The following NEK11 variants were observed in gnomAD, a reference collection of about 807,000 sequenced individuals.
The protein encoded by NEK11 is NIMA related kinase 11, also known as serine/threonine-protein kinase Nek11.
NEK11 carries 72 observed loss-of-function variants against 80.7 expected under a neutral mutation model. That is an observed-to-expected ratio of 0.89 (90% CI 0.74 to 1.08). NEK11 has a LOEUF of 1.08. Ranked by LOEUF, NEK11 falls within the 50% of genes least tolerant of loss-of-function variation. The pLI, the probability that NEK11 is intolerant of heterozygous loss-of-function variation, is 0.00. For synonymous variants in NEK11, 251 were observed against 260.7 expected (o/e 0.96, Z 0.36); for missense variants, 764 against 763.6 (o/e 1.00, Z -0.01).
intron 3 of NEK11, among the ~76,000 whole-genome samples, chr3:131,057,773 A>G (rs2069879204): frequency 6.6e-6 from 1 of 151,084 alleles, no homozygotes; most frequent in African/African-American, 2.4e-5. Flanking sequence ...AGTTCATTGT[A>G]GATTCTGGAT....
At chr3:131,252,025 A>G (rs2095713696) in intron 16 of NEK11, among the ~76,000 whole-genome samples, 1 of 152,120 alleles carries the variant, frequency 6.6e-6, no homozygotes, top group Non-Finnish European at 1.5e-5. Flanking sequence ...TAGTCTTATA[A>G]GGGTCTAACA....
chr3:131,289,121 G>A (rs762836204), intron 17 of NEK11, among the ~76,000 whole-genome samples: 3 of 152,214 alleles, frequency 2.0e-5, no homozygotes, highest in Admixed American at 2.0e-4. Flanking sequence ...AGATCAAGGT[G>A]CCAGCAGGTT....
intron 7 of NEK11, among the ~76,000 whole-genome samples, chr3:131,136,515 A>G (rs939331776): frequency 1.3e-5 from 2 of 152,186 alleles, no homozygotes; most frequent in African/African-American, 2.4e-5. Context: ...ATAGCTGTAC[A>G]TATTATATTT....
At chr3:131,251,667 T>G (rs2095706568) in intron 16 of NEK11, among the ~76,000 whole-genome samples, 1 of 152,126 alleles carries the variant, frequency 6.6e-6, no homozygotes, top group South Asian at 2.1e-4. Flanking sequence ...ATAGGACATT[T>G]CAGAGTTCAT....
At chr3:131,217,143 C>G (rs2094867734) in intron 14 of NEK11, among the ~76,000 whole-genome samples, 1 of 152,058 alleles carries the variant, frequency 6.6e-6, no homozygotes, top group Non-Finnish European at 1.5e-5. Flanking sequence ...CTCTGATAAA[C>G]TATTTCATGG....
intron 5 of NEK11, among the ~76,000 whole-genome samples, chr3:131,127,126 C>T (rs769471911): frequency 4.2e-4 from 63 of 151,790 alleles, no homozygotes; most frequent in African/African-American, 1.2e-3. Context: ...CCACCATGCC[C>T]GGCTAATTTT....
intron 16 of NEK11, among the ~76,000 whole-genome samples, chr3:131,247,307 A>T (rs2095619151): frequency 6.6e-6 from 1 of 152,086 alleles, no homozygotes; most frequent in African/African-American, 2.4e-5. Flanking sequence ...AAGGTGAGAG[A>T]TGAGGATCCA....
chr3:131,116,323 G>A (rs564981496), intron 5 of NEK11, among the ~76,000 whole-genome samples: 5 of 152,248 alleles, frequency 3.3e-5, no homozygotes, highest in African/African-American at 1.2e-4. Context: ...CTTTATGGCT[G>A]CATAGTATTC....
At chr3:131,201,655 T>C (rs1038199841) in intron 14 of NEK11, among the ~76,000 whole-genome samples, 6 of 151,982 alleles carry the variant, frequency 3.9e-5, no homozygotes, top group African/African-American at 1.5e-4. Flanking sequence ...AGGTTGAGAG[T>C]TTATCATGAG....
At chr3:131,104,589 G>A (rs1262831860) in intron 4 of NEK11, among the ~76,000 whole-genome samples, 1 of 152,088 alleles carries the variant, frequency 6.6e-6, no homozygotes, top group Non-Finnish European at 1.5e-5. Flanking sequence ...GGGGTGGGGT[G>A]GCTGTGATTG....
At chr3:131,087,612 A>G (rs886876051) in intron 4 of NEK11, among the ~76,000 whole-genome samples, 4 of 152,216 alleles carry the variant, frequency 2.6e-5, no homozygotes, top group Non-Finnish European at 2.9e-5. Context: ...ATTGTACTAT[A>G]AAACGGAACA....
intron 4 of NEK11, among the ~76,000 whole-genome samples, chr3:131,102,201 T>G (rs1474111083): frequency 2.0e-5 from 3 of 152,174 alleles, no homozygotes; most frequent in Non-Finnish European, 2.9e-5. Context: ...ATTATTAATA[T>G]GTGAGATATT....
chr3:131,130,895 G>A (rs557180359), intron 5 of NEK11, among the ~76,000 whole-genome samples: 10 of 152,202 alleles, frequency 6.6e-5, no homozygotes, highest in South Asian at 2.1e-4. Flanking sequence ...TCTGTCTCCC[G>A]GGTTCAAGCG....
chr3:131,263,881 C>T (rs111734033), intron 16 of NEK11, among the ~76,000 whole-genome samples: 2,544 of 152,240 alleles, frequency 0.017, 74 homozygotes, highest in African/African-American at 0.059. Context: ...CCTGTTGTTT[C>T]CTGACTTTTT....
chr3:131,294,550 G>C (rs2096574273), intron 17 of NEK11, among the ~76,000 whole-genome samples: 1 of 151,944 alleles, frequency 6.6e-6, no homozygotes, highest in Admixed American at 6.6e-5. Flanking sequence ...GAATGAAGTA[G>C]TCTGTAGATG....
chr3:131,338,004 G>A (rs1331921233), intron 17 of NEK11, among the ~76,000 whole-genome samples: 9 of 152,154 alleles, frequency 5.9e-5, no homozygotes, highest in African/African-American at 7.2e-5. Context: ...GGGCAGTGGC[G>A]TGATCTCAGG....
chr3:131,064,181 G>A (rs936265208), intron 3 of NEK11, among the ~76,000 whole-genome samples: 9 of 152,194 alleles, frequency 5.9e-5, no homozygotes, highest in Non-Finnish European at 1.2e-4. Context: ...GGAATGGGTA[G>A]TGATTGCTGA....
intron 16 of NEK11, among the ~76,000 whole-genome samples, chr3:131,249,089 C>T (rs2095654619): frequency 6.7e-6 from 1 of 148,448 alleles, no homozygotes; most frequent in Admixed American, 6.7e-5. Context: ...GTCCCACTAA[C>T]ATGACAAAAA....
chr3:131,255,879 AT>A (rs2095806199), intron 16 of NEK11, among the ~76,000 whole-genome samples: 1 of 152,142 alleles, frequency 6.6e-6, no homozygotes, highest in Admixed American at 6.6e-5. Context: ...AATAAGGCAA[AT>A]GCCCAGCTGT....
Sources: allele counts gnomAD v4.1 joint callset (sites outside exome capture counted in the v4.1 genomes callset), GRCh38; gene constraint gnomAD v4.1.1; transcripts MANE v1.5; gene names NCBI Gene and HGNC (gene_info 2026-07-23, HGNC 2026-07-21).